BRINP3: variants seen among roughly 807,000 people sequenced by gnomAD.
The protein encoded by BRINP3 is BMP/retinoic acid inducible neural specific 3.
In BRINP3, 19 loss-of-function variants were observed where a neutral mutation model predicts 71.0. The observed-to-expected ratio is 0.27, with a 90% CI of 0.19 to 0.39. The LOEUF (loss-of-function observed/expected upper bound fraction) is 0.39, where lower values mean the gene tolerates loss of function less well. BRINP3 is among the 10% of genes least tolerant of loss of function. BRINP3 has a pLI of 1.00. For synonymous variants in BRINP3, 380 were observed against 337.7 expected, an observed-to-expected ratio of 1.13 and a Z score of -1.37; for missense variants, 959 against 940.8, an observed-to-expected ratio of 1.02 and a Z score of -0.25.
At chr1:190,345,502 A>G (rs563384008) in intron 2 of BRINP3, among the ~76,000 whole-genome samples, 1 of 151,742 alleles carries the variant, frequency 6.6e-6, no homozygotes, top group Non-Finnish European at 1.5e-5. Flanking sequence ...TATTAGTAAT[A>G]TTAGTCATAT....
chr1:190,368,024 T>C (rs529640861), intron 2 of BRINP3, among the ~76,000 whole-genome samples: 1 of 152,156 alleles, frequency 6.6e-6, no homozygotes, highest in Non-Finnish European at 1.5e-5. Flanking sequence ...CCAAAGTTAC[T>C]TCTACATTTT....
rs769578438 is a variant in BRINP3 at position 190,260,109 on chromosome 1, A to G, written c.618+4756T>C. ...AAAAAGAAAAGGAAAGCAAAAACAG[A>G]GTGGTTACTAGGATGGGAGAGGTGG... is the stretch of plus-strand genomic sequence containing the variant. On this transcript the variant is annotated intron_variant, in intron 4 of 7. Coordinates refer to ENST00000367462, the MANE Select transcript of BRINP3 (RefSeq NM_199051.3). Among the ~76,000 whole-genome samples the G allele has an allele frequency of 9.3e-4, 141 of 151,524 alleles. 2 individuals are homozygous for G. Among genetic ancestry groups the G allele is most frequent in the Non-Finnish European group, 1.8e-3 (121 of 67,892 alleles).
chr1:190,235,388 G>A (rs1277670516), intron 4 of BRINP3, among the ~76,000 whole-genome samples: 1 of 152,018 alleles, frequency 6.6e-6, no homozygotes, highest in Non-Finnish European at 1.5e-5. Flanking sequence ...TTAAAGCAGA[G>A]CAGTATTGTC....
intron 1 of BRINP3, among the ~76,000 whole-genome samples, chr1:190,459,932 G>C (rs926215860): frequency 6.6e-6 from 1 of 151,606 alleles, no homozygotes; most frequent in Non-Finnish European, 1.5e-5. Flanking sequence ...ATCACTCTCT[G>C]TCTCTTTTTC....
intron 7 of BRINP3, among the ~76,000 whole-genome samples, chr1:190,106,287 T>A (rs1652154820): frequency 6.6e-6 from 1 of 151,676 alleles, no homozygotes; most frequent in African/African-American, 2.4e-5. Context: ...GAAAATGATT[T>A]TATATATATA....
chr1:190,193,546 C>G (rs76473322), intron 6 of BRINP3, among the ~76,000 whole-genome samples: 1 of 152,004 alleles, frequency 6.6e-6, no homozygotes, highest in Non-Finnish European at 1.5e-5. Context: ...CTGGAACTTG[C>G]AAATGTTAAC....
At chr1:190,255,236 CT>C (rs201421106) in intron 4 of BRINP3, among the ~76,000 whole-genome samples, 376 of 134,488 alleles carry the variant, frequency 2.8e-3, no homozygotes, top group Middle Eastern at 3.9e-3. Flanking sequence ...AAAATTCTCT[CT>C]TTTTTTTTTT....
In BRINP3 at chr1:190,098,194, G is replaced by A. The variant is rs754572456; in HGVS notation, c.2125C>T (p.Arg709Cys). 2.5e-6 allele frequency: 4 copies of A among 1,614,072 alleles called. No homozygotes were observed. Among genetic ancestry groups the A allele is most frequent in the South Asian group, 1.1e-5 (1 of 91,080 alleles). Residue 709 changes from arginine (R) to cysteine (C), a missense_variant, in exon 8 of 8, where the codon CGT (arginine) becomes TGT (cysteine). Transcript: ENST00000367462. ...ALLQLLEIRD[R>C]VNKLSPPGQR... ...CCAGGTGGGGAGAGTTTATTTACAC[G>A]GTCTCTGATCTCTAGTAGTTGCAAA...
chr1:190,134,249 T>C (rs971747052), intron 7 of BRINP3, among the ~76,000 whole-genome samples: 2 of 152,198 alleles, frequency 1.3e-5, no homozygotes, highest in African/African-American at 4.8e-5. Context: ...ATTAGTTCTC[T>C]GTGCAAAGAT....
chr1:190,468,511 GA>G (rs1028393008), intron 1 of BRINP3, among the ~76,000 whole-genome samples: 6 of 151,228 alleles, frequency 4.0e-5, no homozygotes, highest in African/African-American at 7.3e-5. Context: ...ATGGCTGGAT[GA>G]AAGATACATA....
intron 1 of BRINP3, among the ~76,000 whole-genome samples, chr1:190,457,413 C>T (rs1177159246): frequency 6.6e-6 from 1 of 151,996 alleles, no homozygotes; most frequent in African/African-American, 2.4e-5. Flanking sequence ...CACTGCACTC[C>T]AGCCTGGGTA....
chr1:190,442,969 A>G (rs1674933480), intron 2 of BRINP3, among the ~76,000 whole-genome samples: 2 of 147,210 alleles, frequency 1.4e-5, no homozygotes. Context: ...CTGGAGTGCA[A>G]TGGCACAATC....
At chr1:190,401,564 C>A (rs1329689576) in intron 2 of BRINP3, among the ~76,000 whole-genome samples, 2 of 151,880 alleles carry the variant, frequency 1.3e-5, no homozygotes, top group African/African-American at 2.4e-5. Flanking sequence ...AATGCAAATT[C>A]TTGCCACATT....
chr1:190,216,398 A>C (rs1011037729), intron 6 of BRINP3, among the ~76,000 whole-genome samples: 2 of 151,698 alleles, frequency 1.3e-5, no homozygotes, highest in African/African-American at 4.8e-5. Flanking sequence ...TGTTATGTAT[A>C]TGCTACCAAT....
At chr1:190,421,287 T>C (rs1673360288) in intron 2 of BRINP3, among the ~76,000 whole-genome samples, 2 of 131,980 alleles carry the variant, frequency 1.5e-5, no homozygotes, top group African/African-American at 5.8e-5. Context: ...TTGAACAAGA[T>C]TCTCATTATT....
At chr1:190,311,936 T>C (rs980148739) in intron 2 of BRINP3, among the ~76,000 whole-genome samples, 1 of 149,072 alleles carries the variant, frequency 6.7e-6, no homozygotes. Context: ...GTTGATCATA[T>C]TATTAATATA....
chr1:190,324,865 C>A (rs971612460), intron 2 of BRINP3, among the ~76,000 whole-genome samples: 1 of 151,664 alleles, frequency 6.6e-6, no homozygotes, highest in African/African-American at 2.4e-5. Context: ...TATTGATTAC[C>A]TTAAAATAAG....
At chr1:190,432,040 A>G (rs1311299926) in intron 2 of BRINP3, among the ~76,000 whole-genome samples, 1 of 152,206 alleles carries the variant, frequency 6.6e-6, no homozygotes, top group Non-Finnish European at 1.5e-5. Context: ...AACACCGTTA[A>G]CAAACATGTT....
At chr1:190,212,854 G>A (rs191018353) in intron 6 of BRINP3, among the ~76,000 whole-genome samples, 142 of 152,162 alleles carry the variant, frequency 9.3e-4, no homozygotes, top group African/African-American at 2.5e-3. Context: ...GCTAACCTGT[G>A]GTGGGCACGT....
Sources: allele counts gnomAD v4.1 joint callset (sites outside exome capture counted in the v4.1 genomes callset), GRCh38; gene constraint gnomAD v4.1.1; transcripts MANE v1.5; gene names NCBI Gene and HGNC (gene_info 2026-07-23, HGNC 2026-07-21).